Variants in DCC observed in about 807,000 individuals in gnomAD.
DCC encodes the protein DCC netrin 1 receptor, also known as netrin receptor DCC.
In DCC, 58 loss-of-function variants were observed where a neutral mutation model predicts 172.5. The observed-to-expected ratio is 0.34, with a 90% CI of 0.27 to 0.42. The LOEUF is 0.42. Ranked by LOEUF, DCC falls within the 10% of genes least tolerant of loss-of-function variation. The pLI, the probability that DCC is intolerant of heterozygous loss-of-function variation, is 1.00. For synonymous variants in DCC, 709 were observed against 644.5 expected (o/e 1.10, Z -1.52); for missense variants, 1,740 against 1,791.0 (o/e 0.97, Z 0.51).
In DCC at chr18:53,468,005, A is replaced by G. The variant is rs2045643298; in HGVS notation, c.3731A>G (p.Asn1244Ser). 1 of 1,524,230 alleles carries G rather than the reference A, an allele frequency of 6.6e-7. No individual in the cohort carries two copies. The highest frequency in any genetic ancestry group is 9.1e-7 in the Non-Finnish European group (1 of 1,098,284). 94.4% of individuals were successfully genotyped at this position (1,524,230 alleles called of 1,614,324 possible). A position where few individuals can be genotyped will look rare whatever the true frequency, so the allele number is the denominator to read the frequency against. Residue 1244 changes from asparagine (N) to serine (S), a missense_variant, in exon 25 of 29, where the codon AAT becomes AGT. By Grantham distance (46) the Asn-to-Ser change is conservative. This residue lies in a region of DCC where 1,732 missense variants were observed against 1,767.4 expected (regional missense o/e 0.98). Transcript: ENST00000442544. ...LMIPMDAQSN[N>S]PAVVSAIPVP... is the part of the protein sequence containing the mutation. ...ATTCCCATGGATGCCCAGTCCAACA[A>G]TCCTGGTGAGTCAATATTGGTGCCA... is the stretch of plus-strand genomic sequence containing the variant.
chr18:52,790,310 A>G (rs902419959), intron 2 of DCC, among the ~76,000 whole-genome samples: 2 of 152,202 alleles, frequency 1.3e-5, no homozygotes, highest in Non-Finnish European at 2.9e-5. Context: ...AGAAAGACAC[A>G]CAAAGCACAC....
chr18:53,351,718 C>G (rs1169780181), intron 15 of DCC, among the ~76,000 whole-genome samples: 1 of 151,338 alleles, frequency 6.6e-6, no homozygotes, highest in Non-Finnish European at 1.5e-5. Context: ...TTTTCTTCAT[C>G]ATCTCTGTTT....
At chr18:52,513,812 T>G (rs1392191935) in intron 1 of DCC, among the ~76,000 whole-genome samples, 1 of 152,188 alleles carries the variant, frequency 6.6e-6, no homozygotes, top group East Asian at 1.9e-4. Flanking sequence ...ATTCAACAGA[T>G]GTCCAGCAAA....
chr18:53,497,139 C>T (rs909389168), intron 26 of DCC, among the ~76,000 whole-genome samples: 1 of 152,034 alleles, frequency 6.6e-6, no homozygotes, highest in African/African-American at 2.4e-5. Context: ...GAAAAGCTAG[C>T]CCATTGGAGA....
At chr18:53,517,876 C>CACTT (rs1219036440) in intron 27 of DCC, among the ~76,000 whole-genome samples, 2 of 152,074 alleles carry the variant, frequency 1.3e-5, no homozygotes, top group African/African-American at 4.8e-5. Flanking sequence ...GAAATTCGAT[C>CACTT]ACTTATGAGG....
At chr18:52,953,143 C>T (rs1793642024) in intron 5 of DCC, among the ~76,000 whole-genome samples, 1 of 151,914 alleles carries the variant, frequency 6.6e-6, no homozygotes, top group Non-Finnish European at 1.5e-5. Context: ...TAACCAACAT[C>T]CCTTTTCAAA....
At chr18:53,288,282 A>AT (rs1272094316) in intron 12 of DCC, among the ~76,000 whole-genome samples, 3 of 152,084 alleles carry the variant, frequency 2.0e-5, no homozygotes, top group Admixed American at 1.3e-4. Context: ...CAGATTAGAA[A>AT]TTTTATCTAT....
At chr18:52,782,130 G>A (rs2037556570) in intron 2 of DCC, among the ~76,000 whole-genome samples, 1 of 152,148 alleles carries the variant, frequency 6.6e-6, no homozygotes, top group Non-Finnish European at 1.5e-5. Context: ...TCAGAGCTAA[G>A]CACAAAGGTG....
intron 3 of DCC, among the ~76,000 whole-genome samples, chr18:52,910,988 T>C (rs188662789): frequency 9.7e-4 from 147 of 151,592 alleles, no homozygotes; most frequent in African/African-American, 3.4e-3. Context: ...TTAAAACAAA[T>C]AGTTTTAGAT....
chr18:52,514,586 T>G (rs1240219639), intron 1 of DCC, among the ~76,000 whole-genome samples: 1 of 152,252 alleles, frequency 6.6e-6, no homozygotes, highest in Non-Finnish European at 1.5e-5. Flanking sequence ...ATGAGACTGC[T>G]GATTTGTCTC....
chr18:53,409,325 G>C (rs529062888), intron 19 of DCC, among the ~76,000 whole-genome samples: 14 of 152,300 alleles, frequency 9.2e-5, no homozygotes, highest in African/African-American at 2.6e-4. Flanking sequence ...GCTGGGACAA[G>C]AGGGACTCAA....
chr18:52,428,094 C>G (rs1233354399), intron 1 of DCC, among the ~76,000 whole-genome samples: 1 of 151,972 alleles, frequency 6.6e-6, no homozygotes, highest in Non-Finnish European at 1.5e-5. Flanking sequence ...TTTAAAAAAT[C>G]TTCTTGCATT....
chr18:53,426,952 G>T (rs1171988106), intron 21 of DCC, among the ~76,000 whole-genome samples: 1 of 152,086 alleles, frequency 6.6e-6, no homozygotes, highest in African/African-American at 2.4e-5. Context: ...TTGGAGGAGA[G>T]AACTCTCTCA....
At chr18:52,892,382 T>A (rs1277380675) in intron 2 of DCC, 2 of 152,100 alleles carry the variant, frequency 1.3e-5, no homozygotes, top group Admixed American at 6.6e-5. Flanking sequence ...TTCCCAGGTG[T>A]GTCCTTTCCC....
intron 1 of DCC, among the ~76,000 whole-genome samples, chr18:52,584,736 C>T (rs531987332): frequency 2.0e-5 from 3 of 151,054 alleles, no homozygotes; most frequent in African/African-American, 7.3e-5. Flanking sequence ...GACATGGTCT[C>T]GCTTTGTTGC....
rs149044001 is a variant in DCC at position 52,633,506 on chromosome 18, A to G, written c.92-118548A>G. ...AATCAATTCCCCTTTATGCACTTTAATTCTGCCCATCTATACAATGATGGA... is the reference window on the plus strand; with the variant it reads ...AATCAATTCCCCTTTATGCACTTTAGTTCTGCCCATCTATACAATGATGGA... On this transcript the variant is annotated intron_variant, in intron 1 of 28. Coordinates refer to ENST00000442544, the MANE Select transcript of DCC (RefSeq NM_005215.4). 2.2e-3 allele frequency among the ~76,000 whole-genome samples: 340 copies of G among 152,288 alleles called. 1 individual carries two copies. Among genetic ancestry groups the G allele is most frequent in the African/African-American group, 7.2e-3 (298 of 41,552 alleles).
intron 12 of DCC, among the ~76,000 whole-genome samples, chr18:53,287,240 T>A (rs1243312953): frequency 1.3e-5 from 2 of 152,220 alleles, no homozygotes; most frequent in Non-Finnish European, 2.9e-5. Context: ...ATACACTATG[T>A]GGTCTTTCAT....
intron 12 of DCC, among the ~76,000 whole-genome samples, chr18:53,218,040 G>A (rs544190293): frequency 6.6e-6 from 1 of 151,728 alleles, no homozygotes; most frequent in Non-Finnish European, 1.5e-5. Context: ...TGAAAGACAG[G>A]GTCTCATTAT....
intron 1 of DCC, among the ~76,000 whole-genome samples, chr18:52,580,306 G>A (rs1431092007): frequency 1.3e-5 from 2 of 152,182 alleles, no homozygotes; most frequent in East Asian, 1.9e-4. Flanking sequence ...TGCCCAGGTT[G>A]GAGTGCAGTG....
Sources: allele counts gnomAD v4.1 joint callset (sites outside exome capture counted in the v4.1 genomes callset), GRCh38; gene constraint gnomAD v4.1.1; regional missense constraint gnomAD v4.1.1; transcripts MANE v1.5; gene names NCBI Gene and HGNC (gene_info 2026-07-23, HGNC 2026-07-21).